Variants in CCDC102B observed in about 807,000 individuals in gnomAD.
CCDC102B encodes the protein coiled-coil domain-containing protein 102B.
CCDC102B carries 75 observed loss-of-function variants against 57.4 expected under a neutral mutation model. The ratio of observed to expected loss-of-function variants is 1.31; its 90% CI spans 1.08 to 1.58. The LOEUF is 1.58. CCDC102B is among the 40% of genes most tolerant of loss of function. The pLI, the probability that CCDC102B is intolerant of heterozygous loss-of-function variation, is 0.00. For missense variants in CCDC102B, 636 were observed against 582.6 expected (o/e 1.09, Z -0.94); for synonymous variants, 206 against 201.9 (o/e 1.02, Z -0.17).
intron 4 of CCDC102B, among the ~76,000 whole-genome samples, chr18:68,855,510 C>T (rs1471114871): frequency 6.6e-6 from 1 of 152,166 alleles, no homozygotes; most frequent in Non-Finnish European, 1.5e-5. Flanking sequence ...ACTTAAAATA[C>T]AGTTAAGTGG....
chr18:69,045,278 A>G (rs1430735840), intron 7 of CCDC102B, among the ~76,000 whole-genome samples: 1 of 152,072 alleles, frequency 6.6e-6, no homozygotes, highest in Non-Finnish European at 1.5e-5. Context: ...ATGACAACAA[A>G]AATATAATGA....
intron 2 of CCDC102B, among the ~76,000 whole-genome samples, chr18:68,747,448 G>T (rs2033664672): frequency 6.6e-6 from 1 of 152,044 alleles, no homozygotes; most frequent in Non-Finnish European, 1.5e-5. Context: ...CAGGCATGGT[G>T]TTGTACAGAT....
chr18:68,795,917 C>T (rs1290568408), upstream of CCDC102B, among the ~76,000 whole-genome samples: 2 of 152,040 alleles, frequency 1.3e-5, no homozygotes, highest in East Asian at 3.9e-4. Context: ...GGTGTTCCAC[C>T]ATTGAAAGGA....
intron 2 of CCDC102B, among the ~76,000 whole-genome samples, chr18:68,723,210 A>G (rs1184706811): frequency 6.6e-6 from 1 of 152,126 alleles, no homozygotes; most frequent in East Asian, 1.9e-4. Flanking sequence ...AACTGCCCCC[A>G]TGATTAAACT....
chr18:68,924,355 T>C (rs902807783), intron 6 of CCDC102B, among the ~76,000 whole-genome samples: 1 of 152,038 alleles, frequency 6.6e-6, no homozygotes, highest in South Asian at 2.1e-4. Flanking sequence ...CGAGATCTGA[T>C]GGTTTAATAA....
intron 6 of CCDC102B, among the ~76,000 whole-genome samples, chr18:68,901,483 G>A (rs562068991): frequency 6.6e-4 from 101 of 152,206 alleles, no homozygotes; most frequent in African/African-American, 2.3e-3. Flanking sequence ...ATGGACAGAA[G>A]GGGGGCCAAG....
intron 4 of CCDC102B, among the ~76,000 whole-genome samples, chr18:68,867,209 C>G (rs189727254): frequency 3.3e-4 from 51 of 152,318 alleles, no homozygotes; most frequent in Non-Finnish European, 6.3e-4. Context: ...CCCAGATGGT[C>G]TCGATTGCCT....
chr18:68,912,876 A>G (rs1053885750), intron 6 of CCDC102B, among the ~76,000 whole-genome samples: 1 of 152,216 alleles, frequency 6.6e-6, no homozygotes, highest in Admixed American at 6.5e-5. Context: ...CACATTTTTC[A>G]AAATTTAGCT....
At chr18:68,937,610 T>A (rs2049275414) in intron 6 of CCDC102B, among the ~76,000 whole-genome samples, 1 of 152,092 alleles carries the variant, frequency 6.6e-6, no homozygotes, top group Non-Finnish European at 1.5e-5. Flanking sequence ...GTTTTTATTT[T>A]ATTTTATATT....
chr18:68,995,912 T>A (rs2051014280), intron 6 of CCDC102B, among the ~76,000 whole-genome samples: 2 of 152,154 alleles, frequency 1.3e-5, no homozygotes, highest in African/African-American at 2.4e-5. Context: ...ATGGGGCTGG[T>A]ACCCTGCAAA....
chr18:68,915,209 T>C (rs2099831622), intron 6 of CCDC102B, among the ~76,000 whole-genome samples: 3 of 152,206 alleles, frequency 2.0e-5, no homozygotes, highest in Non-Finnish European at 2.9e-5. Flanking sequence ...GGCTGTTTAG[T>C]GGCATTGGCC....
At chr18:68,779,027 G>A (rs1052347714) in intron 2 of CCDC102B, among the ~76,000 whole-genome samples, 4 of 152,018 alleles carry the variant, frequency 2.6e-5, no homozygotes, top group African/African-American at 9.7e-5. Flanking sequence ...AAGAAGGTTC[G>A]TTATGCATTC....
intron 6 of CCDC102B, among the ~76,000 whole-genome samples, chr18:68,942,085 G>A (rs1367421383): frequency 6.6e-6 from 1 of 152,024 alleles, no homozygotes; most frequent in Non-Finnish European, 1.5e-5. Flanking sequence ...AATTTTATAG[G>A]CATGAAATGG....
intron 2 of CCDC102B, among the ~76,000 whole-genome samples, chr18:68,765,306 AAGGAAGGAAGGAAGGAAG>A (rs1568238525): frequency 0.014 from 901 of 64,960 alleles, 17 homozygotes; most frequent in African/African-American, 0.048. Context: ...GGAAGGAAGG[AAGGAAGGAAGGAAGGAAG>A]GAAAGAAAGA....
intron 6 of CCDC102B, among the ~76,000 whole-genome samples, chr18:68,979,823 T>C (rs2050532815): frequency 6.6e-6 from 1 of 152,024 alleles, no homozygotes; most frequent in East Asian, 1.9e-4. Flanking sequence ...GATGTTTTCA[T>C]TTATGATAGT....
chr18:68,995,722 C>A (rs564122865), intron 6 of CCDC102B, among the ~76,000 whole-genome samples: 3 of 152,114 alleles, frequency 2.0e-5, no homozygotes, highest in Admixed American at 6.5e-5. Flanking sequence ...CAGGGCAGTG[C>A]AGAAGAAAAA....
At chr18:68,980,387 G>A (rs1254123305) in intron 6 of CCDC102B, among the ~76,000 whole-genome samples, 1 of 142,544 alleles carries the variant, frequency 7.0e-6, no homozygotes, top group Non-Finnish European at 1.5e-5. Context: ...ACTATTCTAG[G>A]TCTTGGTGAA....
intron 1 of CCDC102B, among the ~76,000 whole-genome samples, chr18:68,799,974 CTG>C (rs1447956112): frequency 2.0e-5 from 3 of 152,084 alleles, no homozygotes; most frequent in Non-Finnish European, 2.9e-5. Flanking sequence ...GGTGGAGTAT[CTG>C]TGCCTCTTTT....
At chr18:69,043,856 A>C (rs1381693846) in intron 7 of CCDC102B, among the ~76,000 whole-genome samples, 1 of 152,082 alleles carries the variant, frequency 6.6e-6, no homozygotes, top group Admixed American at 6.6e-5. Context: ...AGAGTTTTCT[A>C]AAAAGTTCTA....
Sources: gnomAD v4.1 joint callset for allele counts (sites outside exome capture counted in the v4.1 genomes callset) on GRCh38, gnomAD v4.1.1 for gene constraint, MANE v1.5 for transcripts, NCBI Gene and HGNC (gene_info 2026-07-23, HGNC 2026-07-21) for gene names.